Variants in CNN3 observed in about 807,000 individuals in gnomAD.
CNN3 encodes the protein calponin-3.
Under a neutral mutation model 39.0 loss-of-function variants are expected in CNN3, and 11 were observed. The observed-to-expected ratio is 0.28, with a 90% CI of 0.18 to 0.47. CNN3 has a LOEUF of 0.47. Among genes scored for constraint, CNN3 ranks in the 20% least tolerant of loss-of-function variants. The probability of loss-of-function intolerance (pLI) is 0.99; values close to 1 mark genes in which losing one functional copy is unlikely to be tolerated. For synonymous variants in CNN3, 101 were observed against 138.3 expected, an observed-to-expected ratio of 0.73 and a Z score of 1.89; for missense variants, 266 against 403.4, an observed-to-expected ratio of 0.66 and a Z score of 2.92.
intron 1 of CNN3, among the ~76,000 whole-genome samples, chr1:94,915,277 C>T (rs1671253851): frequency 6.6e-6 from 1 of 152,024 alleles, no homozygotes; most frequent in Non-Finnish European, 1.5e-5. Context: ...GCCACCAAAT[C>T]CTACACAAAT....
intron 1 of CNN3, among the ~76,000 whole-genome samples, chr1:94,912,194 G>T (rs1305602813): frequency 6.6e-6 from 1 of 152,180 alleles, no homozygotes; most frequent in Admixed American, 6.5e-5. Flanking sequence ...TCTAGAAAAT[G>T]ACCTTTAGAC....
In CNN3 at chr1:94,926,954, C is replaced by T; in HGVS notation, c.-60G>A. ...GTCCGGGGTCTCTCGCACTTCGCTTCCCCGCTCCTGGCCCCGAGGAGTGGC... is the reference window on the plus strand; with the variant it reads ...GTCCGGGGTCTCTCGCACTTCGCTTTCCCGCTCCTGGCCCCGAGGAGTGGC... On this transcript the variant is annotated 5_prime_UTR_variant, in exon 1 of 7. Coordinates refer to ENST00000370206, the MANE Select transcript of CNN3 (RefSeq NM_001839.5). This position sits in a 1 kb window ranked among gnomAD's most constrained non-coding sequence, Gnocchi z 4.2. 1 of 1,566,310 alleles carries T rather than the reference C, an allele frequency of 6.4e-7. No individual in the cohort carries two copies. Among genetic ancestry groups the T allele is most frequent in the Non-Finnish European group, 8.7e-7 (1 of 1,146,862 alleles).
In CNN3 at chr1:94,920,082, T is replaced by C. The variant is rs529757847; in HGVS notation, c.57+6756A>G. Among the ~76,000 whole-genome samples the C allele has an allele frequency of 1.4e-4, 22 of 152,280 alleles. No individual in the cohort carries two copies. The South Asian group carries it at 4.6e-3, about 32-fold the overall frequency. ...ATCTGAAACCAAGAAAGGAAAGATA[T>C]ATCTTATTTAAAAGGAATCAACCTG... On this transcript the variant is annotated intron_variant, in intron 1 of 6. Transcript: ENST00000370206.
intron 1 of CNN3, among the ~76,000 whole-genome samples, chr1:94,907,293 C>G (rs1399887596): frequency 6.6e-6 from 1 of 152,182 alleles, no homozygotes; most frequent in Non-Finnish European, 1.5e-5. Flanking sequence ...TATCCAAATA[C>G]TTCGAATATT....
chr1:94,906,108 G>A (rs902370589), intron 1 of CNN3, among the ~76,000 whole-genome samples: 3 of 151,750 alleles, frequency 2.0e-5, no homozygotes, highest in Non-Finnish European at 2.9e-5. Context: ...TCGGCCTCCC[G>A]AATAGCTAGG....
intron 1 of CNN3, among the ~76,000 whole-genome samples, chr1:94,911,821 G>A (rs1396892777): frequency 6.6e-6 from 1 of 152,288 alleles, no homozygotes; most frequent in Non-Finnish European, 1.5e-5. Flanking sequence ...AGTAATCCCA[G>A]CACTTTGGGA....
chr1:94,919,779 C>T (rs183836865), intron 1 of CNN3, among the ~76,000 whole-genome samples: 1 of 152,250 alleles, frequency 6.6e-6, no homozygotes, highest in Non-Finnish European at 1.5e-5. Flanking sequence ...AAAAGGCCTC[C>T]TCTTTTCTCT....
chr1:94,913,316 T>G (rs1057100297), intron 1 of CNN3, among the ~76,000 whole-genome samples: 1 of 152,226 alleles, frequency 6.6e-6, no homozygotes. Flanking sequence ...ATGGAGTTCA[T>G]GTGAGCCATA....
intron 1 of CNN3, chr1:94,925,896 T>A: frequency 1.2e-6 from 1 of 864,178 alleles, no homozygotes; most frequent in Non-Finnish European, 1.4e-6. Flanking sequence ...ACCCCTGATG[T>A]CATGGGCTTG....
intron 5 of CNN3, 108 bp downstream of exon 5, chr1:94,901,561 C>A: frequency 1.5e-6 from 1 of 682,124 alleles, no homozygotes; most frequent in South Asian, 1.9e-5. Flanking sequence ...CACCCCCCCC[C>A]CAGTACTATA....
intron 1 of CNN3, among the ~76,000 whole-genome samples, chr1:94,905,990 TA>T (rs1303750281): frequency 2.6e-5 from 4 of 152,166 alleles, no homozygotes; most frequent in Non-Finnish European, 5.9e-5. Flanking sequence ...TTTTTAAAAA[TA>T]TTTTTTTTTG....
intron 1 of CNN3, among the ~76,000 whole-genome samples, chr1:94,920,873 A>C (rs1480899835): frequency 1.3e-5 from 2 of 152,214 alleles, no homozygotes; most frequent in East Asian, 3.8e-4. Context: ...GTCCCCACAA[A>C]CAACCTGGAT....
At chr1:94,903,632 T>A (rs1271637097) in intron 1 of CNN3, 108 bp from the exon 2 acceptor site, 1 of 1,434,192 alleles carries the variant, frequency 7.0e-7, no homozygotes, top group East Asian at 2.3e-5. Flanking sequence ...AGCTGTGAAG[T>A]GTAGTAAATG....
intron 1 of CNN3, among the ~76,000 whole-genome samples, chr1:94,912,775 C>T (rs1031194666): frequency 3.9e-5 from 6 of 152,178 alleles, no homozygotes; most frequent in Admixed American, 1.3e-4. Context: ...CTTTTATGGG[C>T]GTCACATCTC....
chr1:94,902,037 T>G (rs1670881463), intron 4 of CNN3, 84 bp downstream of exon 4: 7 of 1,239,604 alleles, frequency 5.6e-6, no homozygotes, highest in African/African-American at 1.5e-5. Flanking sequence ...CCACCTGGTC[T>G]GAACCCCCAT....
At chr1:94,923,873 G>C (rs867237261) in intron 1 of CNN3, among the ~76,000 whole-genome samples, 3 of 152,242 alleles carry the variant, frequency 2.0e-5, no homozygotes, top group African/African-American at 7.2e-5. Flanking sequence ...TCTGGGGGTG[G>C]CAACTATTGT....
At chr1:94,907,715 A>C (rs752594699) in intron 1 of CNN3, among the ~76,000 whole-genome samples, 61 of 151,884 alleles carry the variant, frequency 4.0e-4, no homozygotes, top group Middle Eastern at 3.4e-3. Flanking sequence ...AAAAAATTAG[A>C]CGGGTGTGGT....
chr1:94,908,274 G>A (rs1009552517), intron 1 of CNN3, among the ~76,000 whole-genome samples: 3 of 152,168 alleles, frequency 2.0e-5, no homozygotes, highest in East Asian at 1.9e-4. Flanking sequence ...TACATTCAGC[G>A]ATTGGCCTGC....
intron 1 of CNN3, among the ~76,000 whole-genome samples, chr1:94,911,744 G>A (rs1671171204): frequency 6.6e-6 from 1 of 152,152 alleles, no homozygotes; most frequent in Non-Finnish European, 1.5e-5. Context: ...ACTCCAGCCT[G>A]AGTAACAGAG....
Sources: gnomAD v4.1 joint callset for allele counts (sites outside exome capture counted in the v4.1 genomes callset) on GRCh38, gnomAD v4.1.1 for gene constraint, Gnocchi (gnomAD v3.1) non-coding constraint, MANE v1.5 for transcripts, NCBI Gene and HGNC (gene_info 2026-07-23, HGNC 2026-07-21) for gene names.